The following HPSE2 variants were observed in gnomAD, a reference collection of about 807,000 sequenced individuals.
HPSE2 encodes the protein inactive heparanase-2.
A neutral mutation model predicts 60.5 loss-of-function variants in HPSE2; 38 were observed. That is an observed-to-expected ratio of 0.63 (90% confidence interval 0.48 to 0.82). HPSE2 has a LOEUF of 0.82. Ranked by LOEUF, HPSE2 falls within the 40% of genes least tolerant of loss-of-function variation. The pLI is 0.00. For synonymous variants in HPSE2, 295 were observed against 293.2 expected, an observed-to-expected ratio of 1.01 and a Z score of -0.06; for missense variants, 713 against 740.4, an observed-to-expected ratio of 0.96 and a Z score of 0.43.
intron 3 of HPSE2, among the ~76,000 whole-genome samples, chr10:99,096,094 A>T (rs918254982): frequency 6.6e-6 from 1 of 152,192 alleles, no homozygotes; most frequent in Non-Finnish European, 1.5e-5. Flanking sequence ...AAATCTTCAT[A>T]AAGTTCATAT....
intron 3 of HPSE2, among the ~76,000 whole-genome samples, chr10:99,016,588 G>C (rs1957147542): frequency 6.6e-6 from 1 of 152,034 alleles, no homozygotes; most frequent in Admixed American, 6.6e-5. Context: ...TAGTTTAATA[G>C]GCATAACACT....
intron 3 of HPSE2, among the ~76,000 whole-genome samples, chr10:98,831,033 ATTGT>A (rs1408218044): frequency 1.3e-5 from 2 of 152,116 alleles, no homozygotes; most frequent in African/African-American, 2.4e-5. Context: ...TAACATCTAG[ATTGT>A]TTGTTTTTCA....
chr10:98,860,185 TCTGA>T (rs923289377), intron 3 of HPSE2, among the ~76,000 whole-genome samples: 15 of 152,324 alleles, frequency 9.8e-5, no homozygotes, highest in African/African-American at 2.9e-4. Flanking sequence ...CCTGGAGAAC[TCTGA>T]CTAATACATT....
At chr10:99,275,496 G>A in the HPSE2 span, among the ~76,000 whole-genome samples, 1 of 152,010 alleles carries the variant, frequency 6.6e-6, no homozygotes, top group Non-Finnish European at 1.5e-5. Context: ...ACATAAAGTG[G>A]ACTTTCTTAG....
chr10:98,866,057 T>A (rs1281488647), intron 3 of HPSE2, among the ~76,000 whole-genome samples: 2 of 152,112 alleles, frequency 1.3e-5, no homozygotes, highest in Non-Finnish European at 2.9e-5. Context: ...AAAACATGAC[T>A]CATGATATGA....
chr10:98,604,453 A>T (rs1025425942), intron 9 of HPSE2, among the ~76,000 whole-genome samples: 5 of 152,210 alleles, frequency 3.3e-5, no homozygotes, highest in African/African-American at 1.2e-4. Flanking sequence ...TGAACAGCAA[A>T]GTGAATAAAG....
intron 6 of HPSE2, among the ~76,000 whole-genome samples, chr10:98,676,532 T>C (rs1236445435): frequency 2.6e-5 from 4 of 152,198 alleles, no homozygotes; most frequent in Non-Finnish European, 5.9e-5. Context: ...AATTAGCTCA[T>C]GAGGCAGGAT....
Position 98,501,954 on chromosome 10 carries a change from C to CA in HPSE2, c.1321-11759dup, listed in dbSNP as rs1333850011. ...AACTCAACCCCTTTTACAATATCTG[C>CA]AAAAAAAAAAACAAACTTAAAAATA... is the stretch of plus-strand genomic sequence containing the variant. On this transcript the variant is annotated intron_variant, in intron 9 of 11. Coordinates refer to ENST00000370552, the MANE Select transcript of HPSE2 (RefSeq NM_021828.5). Among the ~76,000 whole-genome samples, 1,067 of 136,284 alleles carry CA rather than the reference C, an allele frequency of 7.8e-3. 6 individuals are homozygous for CA. The highest frequency in any genetic ancestry group is 0.018 in the Middle Eastern group (5 of 276). The allele number at this position is 136,284 out of a possible 152,430, so 89.4% of individuals were successfully genotyped here. A position where few individuals can be genotyped will look rare whatever the true frequency, so the allele number is the denominator to read the frequency against.
intron 4 of HPSE2, among the ~76,000 whole-genome samples, chr10:98,723,985 GT>G (rs1443417267): frequency 6.6e-6 from 1 of 152,094 alleles, no homozygotes; most frequent in African/African-American, 2.4e-5. Flanking sequence ...TTTGATCTTA[GT>G]TATTTCTTGC....
intron 3 of HPSE2, among the ~76,000 whole-genome samples, chr10:99,110,659 C>A (rs1844422932): frequency 6.6e-6 from 1 of 152,012 alleles, no homozygotes; most frequent in Non-Finnish European, 1.5e-5. Flanking sequence ...AAAAATACCA[C>A]TTTTATTAAT....
chr10:98,934,649 G>A (rs1313334280), intron 3 of HPSE2, among the ~76,000 whole-genome samples: 1 of 144,248 alleles, frequency 6.9e-6, no homozygotes, highest in Non-Finnish European at 1.5e-5. Context: ...GAGGTCCACT[G>A]TTAGTGTCAT....
chr10:98,669,427 T>A (rs1947449866), intron 6 of HPSE2, among the ~76,000 whole-genome samples: 1 of 152,228 alleles, frequency 6.6e-6, no homozygotes, highest in Non-Finnish European at 1.5e-5. Flanking sequence ...AAAAGACACA[T>A]GCACTTCTAT....
intron 6 of HPSE2, among the ~76,000 whole-genome samples, chr10:98,646,188 C>T (rs1451853371): frequency 6.6e-6 from 1 of 152,046 alleles, no homozygotes; most frequent in Non-Finnish European, 1.5e-5. Flanking sequence ...ATGGTAGTTG[C>T]ATGTGGTGAT....
chr10:98,714,044 TTC>T (rs1948735520), intron 5 of HPSE2, among the ~76,000 whole-genome samples: 1 of 151,968 alleles, frequency 6.6e-6, no homozygotes, highest in Non-Finnish European at 1.5e-5. Flanking sequence ...GTAACTATAG[TTC>T]TCTTTCTTGT....
At chr10:98,895,820 T>C (rs1043248916) in intron 3 of HPSE2, among the ~76,000 whole-genome samples, 24 of 149,712 alleles carry the variant, frequency 1.6e-4, no homozygotes, top group Admixed American at 9.3e-4. Context: ...TCATTCTCAG[T>C]AAACTATCAC....
At chr10:99,034,302 A>C (rs1957561947) in intron 3 of HPSE2, among the ~76,000 whole-genome samples, 1 of 152,192 alleles carries the variant, frequency 6.6e-6, no homozygotes, top group East Asian at 1.9e-4. Flanking sequence ...GGAAAAAGGC[A>C]AACTATGAGG....
chr10:98,633,883 T>G (rs1344222900), intron 7 of HPSE2, among the ~76,000 whole-genome samples: 1 of 152,176 alleles, frequency 6.6e-6, no homozygotes, highest in Non-Finnish European at 1.5e-5. Flanking sequence ...GCCAGTGTAG[T>G]CTACCTCTTC....
intron 2 of HPSE2, among the ~76,000 whole-genome samples, chr10:99,220,240 TATG>T (rs1046016620): frequency 4.6e-5 from 7 of 151,836 alleles, no homozygotes; most frequent in African/African-American, 1.5e-4. Context: ...ATCAGAGAAA[TATG>T]ATACTATAGC....
intron 3 of HPSE2, among the ~76,000 whole-genome samples, chr10:98,915,656 T>C (rs1411226380): frequency 6.6e-6 from 1 of 152,220 alleles, no homozygotes; most frequent in Non-Finnish European, 1.5e-5. Flanking sequence ...GTCTCTGGTC[T>C]TTTCTGTGCT....
Sources: allele counts gnomAD v4.1 joint callset (sites outside exome capture counted in the v4.1 genomes callset), GRCh38; gene constraint gnomAD v4.1.1; transcripts MANE v1.5; gene names NCBI Gene and HGNC (gene_info 2026-07-23, HGNC 2026-07-21).